Variants in OR7E24 observed in about 807,000 individuals in gnomAD.
The protein encoded by OR7E24 is olfactory receptor family 7 subfamily E member 24, also known as olfactory receptor 7E24.
For missense variants in OR7E24, 385 were observed against 410.3 expected (o/e 0.94, Z 0.53); for synonymous variants, 130 against 157.5 (o/e 0.83, Z 1.31).
chr19:9,216,164 C>T, the OR7E24 span, among the ~76,000 whole-genome samples: 3 of 152,196 alleles, frequency 2.0e-5, no homozygotes, highest in African/African-American at 7.2e-5. Context: ...TCCCATTACA[C>T]ATGGGAATTC....
chr19:9,252,241 A>G lies in OR7E24; in HGVS notation c.*178A>G. The stretch of plus-strand genomic sequence containing the variant: ...GTATCCTTTGTTCATCATACACATC[A>G]TGAATGATTCCAATATACCTAGACA... On this transcript the variant is annotated 3_prime_UTR_variant, in exon 1 of 1. Coordinates refer to ENST00000456448, the MANE Select transcript of OR7E24 (RefSeq NM_001079935.2). 1.8e-6 allele frequency: 1 copy of G among 569,028 alleles called. No homozygotes were observed. The highest frequency in any genetic ancestry group is 2.1e-5 in the South Asian group (1 of 47,698). 35.2% of individuals were successfully genotyped at this position (569,028 alleles called of 1,614,324 possible).
At chr19:9,232,251 G>A in the OR7E24 span, among the ~76,000 whole-genome samples, 17 of 152,012 alleles carry the variant, frequency 1.1e-4, no homozygotes, top group Non-Finnish European at 2.5e-4. Flanking sequence ...TAAAAAGCAG[G>A]CTATATGGCC....
At chr19:9,237,296 A>T in the OR7E24 span, among the ~76,000 whole-genome samples, 7 of 150,370 alleles carry the variant, frequency 4.7e-5, no homozygotes, top group South Asian at 2.1e-4. Context: ...AGGTTTTTTT[A>T]AAATTTATTT....
At chr19:9,231,209 C>T in the OR7E24 span, among the ~76,000 whole-genome samples, 20 of 152,238 alleles carry the variant, frequency 1.3e-4, 1 homozygote, top group South Asian at 4.1e-3. Context: ...AGGTGTCAGC[C>T]ACCACTCCCG....
the OR7E24 span, among the ~76,000 whole-genome samples, chr19:9,240,348 C>A: frequency 6.6e-6 from 1 of 152,136 alleles, no homozygotes; most frequent in African/African-American, 2.4e-5. Context: ...AGTGTAATTT[C>A]ATGGAGGATT....
At chr19:9,207,306 T>G in the OR7E24 span, 2 of 152,244 alleles carry the variant, frequency 1.3e-5, no homozygotes, top group African/African-American at 2.4e-5. Context: ...TAGTTTTCTT[T>G]CTTTTTTTAT....
chr19:9,234,297 A>G, the OR7E24 span, among the ~76,000 whole-genome samples: 1 of 152,148 alleles, frequency 6.6e-6, no homozygotes, highest in African/African-American at 2.4e-5. Context: ...AATTACACCT[A>G]TGTATTGTAC....
chr19:9,224,743 C>T, the OR7E24 span, among the ~76,000 whole-genome samples: 1 of 149,342 alleles, frequency 6.7e-6, no homozygotes, highest in African/African-American at 2.5e-5. Flanking sequence ...TCAGCCTGGG[C>T]AATGGAGTGA....
chr19:9,218,135 T>C, the OR7E24 span, among the ~76,000 whole-genome samples: 1 of 152,242 alleles, frequency 6.6e-6, no homozygotes, highest in Non-Finnish European at 1.5e-5. Context: ...GCCCAGCACA[T>C]TACTGATTCT....
the OR7E24 span, chr19:9,235,573 C>T: frequency 6.4e-7 from 1 of 1,554,940 alleles, no homozygotes; most frequent in African/African-American, 1.4e-5. Flanking sequence ...CTGTGGCCTC[C>T]TGGTTCTGGC....
At chr19:9,229,607 A>G in the OR7E24 span, among the ~76,000 whole-genome samples, 2 of 152,226 alleles carry the variant, frequency 1.3e-5, no homozygotes, top group Non-Finnish European at 2.9e-5. Context: ...TGACTTTTAA[A>G]TCCAACTAAA....
At chr19:9,232,855 CCATGTA>C in the OR7E24 span, among the ~76,000 whole-genome samples, 1 of 152,134 alleles carries the variant, frequency 6.6e-6, no homozygotes, top group African/African-American at 2.4e-5. Flanking sequence ...GTGACGGGTA[CCATGTA>C]CACCTCTGGA....
chr19:9,208,629 C>T, the OR7E24 span: 1 of 151,426 alleles, frequency 6.6e-6, no homozygotes, highest in Non-Finnish European at 1.5e-5. Flanking sequence ...CAAACATGAA[C>T]TCTCCTTTAT....
chr19:9,214,539 T>C, the OR7E24 span: 1 of 1,614,064 alleles, frequency 6.2e-7, no homozygotes, highest in Non-Finnish European at 8.5e-7. Context: ...AAAATACACC[T>C]GAGTGAGGCA....
the OR7E24 span, chr19:9,214,839 T>C: frequency 5.7e-6 from 9 of 1,583,132 alleles, no homozygotes; most frequent in Non-Finnish European, 7.7e-6. Context: ...TGCTTCCATG[T>C]AGCTGTTGTG....
the OR7E24 span, among the ~76,000 whole-genome samples, chr19:9,236,995 T>C: frequency 5.3e-5 from 8 of 152,186 alleles, no homozygotes; most frequent in African/African-American, 1.7e-4. Flanking sequence ...AGAGATTGAG[T>C]TGAGGTCGGC....
chr19:9,250,288 T>C (rs1425510015), upstream of OR7E24, among the ~76,000 whole-genome samples: 1 of 151,856 alleles, frequency 6.6e-6, no homozygotes, highest in Non-Finnish European at 1.5e-5. Flanking sequence ...AAAGATGGGG[T>C]TTTGCTGTGT....
At chr19:9,221,305 T>C in the OR7E24 span, among the ~76,000 whole-genome samples, 3 of 147,398 alleles carry the variant, frequency 2.0e-5, no homozygotes, top group Non-Finnish European at 3.0e-5. Context: ...CATCTGTGTG[T>C]CTTCTTTTGA....
chr19:9,235,509 G>C, the OR7E24 span: 1 of 1,580,862 alleles, frequency 6.3e-7, no homozygotes, highest in Non-Finnish European at 8.7e-7. Context: ...CCTATGACCG[G>C]TTTGTGGCCA....
Sources: allele counts gnomAD v4.1 joint callset (sites outside exome capture counted in the v4.1 genomes callset), GRCh38; gene constraint gnomAD v4.1.1; transcripts MANE v1.5; gene names NCBI Gene and HGNC (gene_info 2026-07-23, HGNC 2026-07-21).